Variants in RCAN2 observed in about 807,000 individuals in gnomAD.
RCAN2 encodes calcipressin-2.
A neutral mutation model predicts 23.6 loss-of-function variants in RCAN2; 9 were observed. That is an observed-to-expected ratio of 0.38 (90% CI 0.23 to 0.67). The LOEUF is 0.67. Among genes scored for constraint, RCAN2 ranks in the 30% least tolerant of loss-of-function variants. The pLI, the probability that RCAN2 is intolerant of heterozygous loss-of-function variation, is 0.51. For missense variants in RCAN2, 273 were observed against 302.3 expected, an observed-to-expected ratio of 0.90 and a Z score of 0.72; for synonymous variants, 109 against 115.7, an observed-to-expected ratio of 0.94 and a Z score of 0.37.
rs1273444327 is a variant in RCAN2, at chr6:46,474,955, AT to A, written c.-3+16217del. On this transcript the variant is annotated intron_variant, in intron 1 of 4. Coordinates refer to ENST00000371374, the MANE Select transcript of RCAN2 (RefSeq NM_001251974.2). Reference sequence around the variant, plus strand: ...GTCTTACTGCTTTACTACTCATATTATTTTTTCTAAATCAGGAAGTTGCTGT... The same window carrying A: ...GTCTTACTGCTTTACTACTCATATTATTTTTCTAAATCAGGAAGTTGCTGT... Among the ~76,000 whole-genome samples the A allele has an allele frequency of 2.6e-5, 4 of 152,056 alleles. No homozygotes were observed. In the South Asian group the frequency reaches 8.3e-4, roughly 32 times the overall value.
chr6:46,267,999 G>GA (rs1016548885), intron 2 of RCAN2, among the ~76,000 whole-genome samples: 7 of 150,428 alleles, frequency 4.7e-5, no homozygotes, highest in African/African-American at 9.7e-5. Flanking sequence ...AGCAGTGGTA[G>GA]AAAAAAAAAT....
rs1412474539 is a variant in RCAN2, at chr6:46,382,777, G to A, written c.225+73975C>T. Among the ~76,000 whole-genome samples the A allele has an allele frequency of 4.6e-5, 7 of 152,138 alleles. No individual in the cohort carries two copies. The South Asian group carries it at 8.3e-4, about 18-fold the overall frequency. ...TTAAATGTGGATGAAAAGAATACCC[G>A]CATATGGAATGGAAACAGAAAACCG... On this transcript the variant is annotated intron_variant, in intron 2 of 4. Transcript: ENST00000371374.
intron 2 of RCAN2, among the ~76,000 whole-genome samples, chr6:46,277,359 G>T (rs1767748865): frequency 6.6e-6 from 1 of 152,098 alleles, no homozygotes; most frequent in Non-Finnish European, 1.5e-5. Flanking sequence ...TTTTCTATAG[G>T]TAGATGACTA....
intron 2 of RCAN2, among the ~76,000 whole-genome samples, chr6:46,256,915 C>T (rs1045864513): frequency 2.6e-5 from 4 of 152,130 alleles, no homozygotes; most frequent in Non-Finnish European, 5.9e-5. Flanking sequence ...TCTTTCTTAA[C>T]ATTAACAGGA....
chr6:46,298,453 C>T (rs1762790739), intron 2 of RCAN2, among the ~76,000 whole-genome samples: 1 of 152,062 alleles, frequency 6.6e-6, no homozygotes, highest in Non-Finnish European at 1.5e-5. Flanking sequence ...CCAATTTATG[C>T]TGTATTCTTT....
At chr6:46,245,021 A>G (rs572579743) in intron 4 of RCAN2, among the ~76,000 whole-genome samples, 7 of 152,338 alleles carry the variant, frequency 4.6e-5, no homozygotes, top group Non-Finnish European at 8.8e-5. Flanking sequence ...TTTACTTTAT[A>G]CACTGTGCAG....
At chr6:46,462,839 T>C (rs898031271) in intron 1 of RCAN2, among the ~76,000 whole-genome samples, 4 of 152,240 alleles carry the variant, frequency 2.6e-5, no homozygotes, top group African/African-American at 9.6e-5. Context: ...CATTTCTGAA[T>C]TGCAGAATTC....
At chr6:46,397,519 C>A (rs1017512874) in intron 2 of RCAN2, among the ~76,000 whole-genome samples, 1 of 152,064 alleles carries the variant, frequency 6.6e-6, no homozygotes, top group Non-Finnish European at 1.5e-5. Flanking sequence ...AAGTAAGATG[C>A]TACCTTTGGG....
chr6:46,364,993 A>G (rs1466721338), intron 2 of RCAN2, among the ~76,000 whole-genome samples: 1 of 152,002 alleles, frequency 6.6e-6, no homozygotes, highest in Non-Finnish European at 1.5e-5. Context: ...TCAAGTCTTT[A>G]CTCAACTATC....
chr6:46,273,352 G>A (rs1767578198), intron 2 of RCAN2, among the ~76,000 whole-genome samples: 1 of 152,144 alleles, frequency 6.6e-6, no homozygotes, highest in Non-Finnish European at 1.5e-5. Flanking sequence ...TACTAATTAT[G>A]ATAACATTAA....
intron 2 of RCAN2, among the ~76,000 whole-genome samples, chr6:46,333,021 T>C (rs1168910045): frequency 6.6e-6 from 1 of 152,254 alleles, no homozygotes; most frequent in Non-Finnish European, 1.5e-5. Context: ...TGAGATGGTA[T>C]CTCATTGTGG....
intron 4 of RCAN2, among the ~76,000 whole-genome samples, chr6:46,228,896 A>T (rs1340842341): frequency 1.3e-5 from 2 of 152,176 alleles, no homozygotes; most frequent in Non-Finnish European, 2.9e-5. Context: ...ATGTTTTTGC[A>T]GTGGCTGGTA....
chr6:46,308,086 C>T (rs1306992862), intron 2 of RCAN2, among the ~76,000 whole-genome samples: 1 of 152,182 alleles, frequency 6.6e-6, no homozygotes, highest in East Asian at 1.9e-4. Flanking sequence ...AGTGCAGGCT[C>T]CCAGCCTGAC....
chr6:46,252,477 T>C (rs1766763620), intron 2 of RCAN2, among the ~76,000 whole-genome samples: 1 of 152,244 alleles, frequency 6.6e-6, no homozygotes, highest in Non-Finnish European at 1.5e-5. Context: ...TTTCAGGACC[T>C]CTTTACACTC....
At chr6:46,258,123 T>C (rs1394999024) in intron 2 of RCAN2, among the ~76,000 whole-genome samples, 1 of 152,260 alleles carries the variant, frequency 6.6e-6, no homozygotes, top group East Asian at 1.9e-4. Flanking sequence ...ATCTTTCAGA[T>C]AATACCTACT....
chr6:46,316,735 C>T (rs918049092), intron 2 of RCAN2, among the ~76,000 whole-genome samples: 2 of 152,146 alleles, frequency 1.3e-5, no homozygotes, highest in Admixed American at 6.5e-5. Context: ...TACATTGTTG[C>T]TATTATTAAG....
chr6:46,305,492 A>G (rs1763033388), intron 2 of RCAN2, among the ~76,000 whole-genome samples: 1 of 151,964 alleles, frequency 6.6e-6, no homozygotes, highest in Non-Finnish European at 1.5e-5. Flanking sequence ...TCAAGATTTC[A>G]TCTCAGACTC....
At chr6:46,355,469 T>A (rs531005466) in intron 2 of RCAN2, among the ~76,000 whole-genome samples, 1 of 152,320 alleles carries the variant, frequency 6.6e-6, no homozygotes, top group Admixed American at 6.5e-5. Context: ...GCCCTTGACA[T>A]CTTCTTCTAT....
At chr6:46,273,710 C>T (rs868458517) in intron 2 of RCAN2, among the ~76,000 whole-genome samples, 1 of 152,170 alleles carries the variant, frequency 6.6e-6, no homozygotes, top group Non-Finnish European at 1.5e-5. Flanking sequence ...GGTATTTTCT[C>T]TTTATATAAT....
Sources: gnomAD v4.1 joint callset for allele counts (sites outside exome capture counted in the v4.1 genomes callset) on GRCh38, gnomAD v4.1.1 for gene constraint, MANE v1.5 for transcripts, NCBI Gene and HGNC (gene_info 2026-07-23, HGNC 2026-07-21) for gene names.